Variants in DNM3 observed in about 807,000 individuals in gnomAD.
The protein encoded by DNM3 is dynamin 3.
DNM3 carries 47 observed loss-of-function variants against 101.6 expected under a neutral mutation model. The observed-to-expected ratio is 0.46, with a 90% confidence interval of 0.37 to 0.59. The LOEUF (loss-of-function observed/expected upper bound fraction) is 0.59. DNM3 is among the 20% of genes least tolerant of loss of function. The pLI is 0.00. For synonymous variants in DNM3, 385 were observed against 387.9 expected, an observed-to-expected ratio of 0.99 and a Z score of 0.09; for missense variants, 849 against 1,085.7, an observed-to-expected ratio of 0.78 and a Z score of 3.06.
intron 13 of DNM3, among the ~76,000 whole-genome samples, chr1:172,106,844 A>ATTTTTTT (rs1289662689): frequency 1.1e-3 from 54 of 50,992 alleles, no homozygotes; most frequent in Admixed American, 2.4e-3. Flanking sequence ...AGGTAACATT[A>ATTTTTTT]TTCTTTTTTT....
intron 14 of DNM3, among the ~76,000 whole-genome samples, chr1:172,208,333 G>A (rs751041626): frequency 2.6e-5 from 4 of 152,036 alleles, no homozygotes; most frequent in Non-Finnish European, 5.9e-5. Context: ...CATCAACTTG[G>A]CTAGGCCACT....
intron 2 of DNM3, among the ~76,000 whole-genome samples, chr1:171,922,313 G>A (rs2040242165): frequency 6.6e-6 from 1 of 151,536 alleles, no homozygotes; most frequent in African/African-American, 2.4e-5. Context: ...ATGATGCTTT[G>A]TTTTTATTTT....
intron 14 of DNM3, among the ~76,000 whole-genome samples, chr1:172,172,150 T>C (rs1470397466): frequency 6.6e-6 from 1 of 151,620 alleles, no homozygotes; most frequent in Non-Finnish European, 1.5e-5. Flanking sequence ...CTCCATCTTC[T>C]CAGTAAGTAG....
chr1:172,069,064 T>C (rs1013591654), intron 11 of DNM3, among the ~76,000 whole-genome samples, 159 bp downstream of exon 11: 1 of 152,244 alleles, frequency 6.6e-6, no homozygotes, highest in African/African-American at 2.4e-5. Context: ...TTATGAATTA[T>C]ACACATACTA....
intron 13 of DNM3, among the ~76,000 whole-genome samples, chr1:172,099,612 A>G (rs184195862): frequency 3.3e-5 from 5 of 152,252 alleles, no homozygotes; most frequent in African/African-American, 9.6e-5. Flanking sequence ...CTGAAAATTG[A>G]AAGGAAATGG....
chr1:172,044,731 C>T (rs2049642084), intron 9 of DNM3, among the ~76,000 whole-genome samples: 2 of 152,166 alleles, frequency 1.3e-5, no homozygotes, highest in South Asian at 4.1e-4. Flanking sequence ...TCTCCAGAGC[C>T]TTCATTTTTC....
intron 2 of DNM3, among the ~76,000 whole-genome samples, chr1:171,953,175 C>T (rs112758003): frequency 6.6e-6 from 1 of 152,194 alleles, no homozygotes; most frequent in Non-Finnish European, 1.5e-5. Flanking sequence ...CTAGTTCTTG[C>T]AGATTTATTT....
chr1:171,907,006 AAAT>A (rs372942679), intron 1 of DNM3, among the ~76,000 whole-genome samples: 126 of 152,326 alleles, frequency 8.3e-4, no homozygotes, highest in Middle Eastern at 6.8e-3. Flanking sequence ...TCCAGGGAAA[AAAT>A]AATTCCATCC....
chr1:171,905,676 A>C (rs1165049339), intron 1 of DNM3, among the ~76,000 whole-genome samples: 1 of 152,230 alleles, frequency 6.6e-6, no homozygotes, highest in Non-Finnish European at 1.5e-5. Flanking sequence ...GAGGACTTTT[A>C]ACATAATGAG....
rs77601162 is a variant in DNM3 at position 172,252,251 on chromosome 1, G to A, written c.1660-1322G>A. ...GTGACTTTATTTTTGTAGCCAAGTA[G>A]AATGCTACCTTTTTGCTATTCTAAT... On this transcript the variant is annotated intron_variant, in intron 14 of 20. Coordinates refer to ENST00000627582, the MANE Select transcript of DNM3 (RefSeq NM_015569.5). Among the ~76,000 whole-genome samples the A allele has an allele frequency of 2.8e-3, 432 of 152,160 alleles. 13 individuals carry two copies. The East Asian group carries it at 0.06, about 21-fold the overall frequency.
chr1:171,921,936 G>C (rs2040205310), intron 2 of DNM3, 115 bp downstream of exon 2: 2 of 798,118 alleles, frequency 2.5e-6, no homozygotes, highest in Non-Finnish European at 4.1e-6. Flanking sequence ...ACTGTGGGCA[G>C]CTGCCCACAT....
At chr1:172,165,698 C>T (rs1218571621) in intron 14 of DNM3, among the ~76,000 whole-genome samples, 2 of 152,096 alleles carry the variant, frequency 1.3e-5, no homozygotes, top group African/African-American at 4.8e-5. Flanking sequence ...TCACCTCCAA[C>T]TCAAGGTAAT....
At chr1:171,954,678 A>C (rs1571811720) in intron 2 of DNM3, among the ~76,000 whole-genome samples, 1 of 152,212 alleles carries the variant, frequency 6.6e-6, no homozygotes, top group East Asian at 1.9e-4. Flanking sequence ...TCACTCCTGC[A>C]AGGGGAGGTT....
intron 13 of DNM3, among the ~76,000 whole-genome samples, chr1:172,119,661 AT>A: frequency 6.6e-6 from 1 of 152,134 alleles, no homozygotes; most frequent in Non-Finnish European, 1.5e-5. Context: ...CAATTCACAA[AT>A]TTGCACATCT....
chr1:171,992,904 G>T (rs761398137), intron 4 of DNM3, among the ~76,000 whole-genome samples: 1 of 151,554 alleles, frequency 6.6e-6, no homozygotes, highest in Admixed American at 6.6e-5. Context: ...GTTGCCATAG[G>T]ATTACAATTA....
At chr1:171,854,530 G>A (rs767119642) in intron 1 of DNM3, among the ~76,000 whole-genome samples, 14 of 152,106 alleles carry the variant, frequency 9.2e-5, no homozygotes, top group East Asian at 3.9e-4. Context: ...CGCTCTTGTC[G>A]CCCAGGCTGG....
chr1:172,024,056 A>G (rs1468893542), intron 4 of DNM3, among the ~76,000 whole-genome samples: 1 of 152,078 alleles, frequency 6.6e-6, no homozygotes, highest in Non-Finnish European at 1.5e-5. Context: ...GAATATTAGT[A>G]AAAATGATCA....
intron 17 of DNM3, among the ~76,000 whole-genome samples, chr1:172,325,993 A>G (rs960378981): frequency 6.6e-6 from 1 of 152,154 alleles, no homozygotes; most frequent in Non-Finnish European, 1.5e-5. Context: ...CAATCCTGCT[A>G]TTTGTTTTCT....
At chr1:172,221,927 G>A (rs1282210650) in intron 14 of DNM3, among the ~76,000 whole-genome samples, 1 of 152,104 alleles carries the variant, frequency 6.6e-6, no homozygotes, top group Non-Finnish European at 1.5e-5. Flanking sequence ...TTTGTTCAAT[G>A]CATAGAATAG....
Sources: allele counts gnomAD v4.1 joint callset (sites outside exome capture counted in the v4.1 genomes callset), GRCh38; gene constraint gnomAD v4.1.1; transcripts MANE v1.5; gene names NCBI Gene and HGNC (gene_info 2026-07-23, HGNC 2026-07-21).